ALK: variants seen among roughly 807,000 people sequenced by gnomAD.
ALK encodes ALK tyrosine kinase receptor.
Under a neutral mutation model 163.1 loss-of-function variants are expected in ALK, and 74 were observed. That is an observed-to-expected ratio of 0.45 (90% CI 0.38 to 0.55). ALK has a LOEUF of 0.55. ALK is among the 20% of genes least tolerant of loss of function. The pLI is 0.00. For missense variants in ALK, 2,063 were observed against 2,105.3 expected (o/e 0.98, Z 0.39); for synonymous variants, 960 against 843.2 (o/e 1.14, Z -2.40).
chr2:29,367,117 G>A (rs2148290510), intron 5 of ALK, among the ~76,000 whole-genome samples: 1 of 152,174 alleles, frequency 6.6e-6, no homozygotes, highest in Middle Eastern at 3.4e-3. Flanking sequence ...AATTTATCTG[G>A]ATGCCATGTG....
intron 9 of ALK, among the ~76,000 whole-genome samples, chr2:29,291,948 T>C (rs1666036042): frequency 6.6e-6 from 1 of 152,140 alleles, no homozygotes; most frequent in Admixed American, 6.5e-5. Context: ...GTGATAAAAA[T>C]TGAATAGAAA....
At chr2:29,448,733 A>G (rs954900985) in intron 4 of ALK, among the ~76,000 whole-genome samples, 11 of 152,350 alleles carry the variant, frequency 7.2e-5, no homozygotes, top group Admixed American at 6.5e-4. Context: ...CCAATAAAGC[A>G]GCCATGCAGG....
At chr2:29,376,811 A>G (rs538957581) in intron 5 of ALK, among the ~76,000 whole-genome samples, 212 of 152,358 alleles carry the variant, frequency 1.4e-3, no homozygotes, top group Non-Finnish European at 2.3e-3. Flanking sequence ...TTGGTTCCAC[A>G]TGGCTGGCCA....
chr2:29,366,994 C>T (rs917401386), intron 5 of ALK, among the ~76,000 whole-genome samples: 5 of 152,264 alleles, frequency 3.3e-5, no homozygotes, highest in East Asian at 1.9e-4. Flanking sequence ...TTCTTCCTCC[C>T]GTCATTACTC....
chr2:29,682,096 C>T (rs1305388515), intron 3 of ALK, among the ~76,000 whole-genome samples: 1 of 152,174 alleles, frequency 6.6e-6, no homozygotes, highest in African/African-American at 2.4e-5. Context: ...GTCAGCCAAT[C>T]TTGCTGGTTC....
At chr2:29,628,963 T>C (rs1676280073) in intron 3 of ALK, among the ~76,000 whole-genome samples, 1 of 152,180 alleles carries the variant, frequency 6.6e-6, no homozygotes, top group African/African-American at 2.4e-5. Context: ...CTTTCTAAAG[T>C]AGAGAAGATG....
chr2:29,594,628 CAT>C (rs1675150650), intron 3 of ALK, among the ~76,000 whole-genome samples: 1 of 151,808 alleles, frequency 6.6e-6, no homozygotes, highest in Admixed American at 6.6e-5. Flanking sequence ...GGGGTTTCAC[CAT>C]GTTGGTCAGG....
At chr2:29,545,974 G>A (rs941685870) in intron 3 of ALK, among the ~76,000 whole-genome samples, 3 of 152,150 alleles carry the variant, frequency 2.0e-5, no homozygotes, top group Non-Finnish European at 2.9e-5. Flanking sequence ...TGAGGCAGAA[G>A]TTCCCTAGAA....
intron 1 of ALK, among the ~76,000 whole-genome samples, chr2:29,906,931 T>C (rs1371321085): frequency 6.9e-6 from 1 of 144,832 alleles, no homozygotes; most frequent in Non-Finnish European, 1.5e-5. Context: ...TACATATACA[T>C]TTAAGGTTTT....
At chr2:29,915,104 G>C (rs531323353) in intron 1 of ALK, among the ~76,000 whole-genome samples, 1 of 152,330 alleles carries the variant, frequency 6.6e-6, no homozygotes, top group Non-Finnish European at 1.5e-5. Context: ...TTACAGGTCA[G>C]ACTGGAAAAA....
At chr2:29,415,350 G>A (rs1669843659) in intron 4 of ALK, among the ~76,000 whole-genome samples, 1 of 151,960 alleles carries the variant, frequency 6.6e-6, no homozygotes, top group African/African-American at 2.4e-5. Flanking sequence ...CTAGTAGGCT[G>A]GGTTGGCATT....
Position 29,275,409 on chromosome 2 carries a change from G to T in ALK, c.1905C>A (p.Tyr635Ter). 6.2e-7 allele frequency: 1 copy of T among 1,614,086 alleles called. No homozygotes were observed. The highest frequency in any genetic ancestry group is 8.5e-7 in the Non-Finnish European group (1 of 1,179,978). ...FDNISISLDC[Y>*]LTISGEDKIL... The stretch of plus-strand genomic sequence containing the variant: ...GGGTCAGAGTGAACTCACTGGTGAG[G>T]TAGCAGTCCAGGCTGATGGAGATAT... The change falls in exon 10 of 29, where the codon TAC becomes TAA. Residue 635 changes from tyrosine to a stop codon, truncating the protein, a stop_gained. Coordinates refer to ENST00000389048, the MANE Select transcript of ALK (RefSeq NM_004304.5). LOFTEE classifies it high-confidence loss of function.
intron 1 of ALK, among the ~76,000 whole-genome samples, chr2:29,837,977 A>G (rs1280926450): frequency 6.6e-6 from 1 of 152,192 alleles, no homozygotes; most frequent in Non-Finnish European, 1.5e-5. Flanking sequence ...GAATTTAATA[A>G]AGAAACAAAG....
At chr2:29,376,599 T>C (rs1456517616) in intron 5 of ALK, among the ~76,000 whole-genome samples, 1 of 152,238 alleles carries the variant, frequency 6.6e-6, no homozygotes, top group African/African-American at 2.4e-5. Context: ...TAGCTGAGCC[T>C]GCTACATACA....
intron 2 of ALK, among the ~76,000 whole-genome samples, chr2:29,705,349 C>T (rs553535933): frequency 5.1e-5 from 7 of 137,926 alleles, no homozygotes; most frequent in African/African-American, 1.6e-4. Context: ...CCCTGAGATA[C>T]CATATATTAA....
chr2:29,871,095 C>T (rs985672695), intron 1 of ALK, among the ~76,000 whole-genome samples: 1 of 152,154 alleles, frequency 6.6e-6, no homozygotes, highest in African/African-American at 2.4e-5. Flanking sequence ...GGTCAACACG[C>T]ATGAACCTTG....
At chr2:29,646,216 C>G (rs1676869900) in intron 3 of ALK, among the ~76,000 whole-genome samples, 1 of 152,156 alleles carries the variant, frequency 6.6e-6, no homozygotes, top group African/African-American at 2.4e-5. Flanking sequence ...TTTATCCCCC[C>G]CAGGCCAAAA....
chr2:29,869,470 A>G (rs529702250), intron 1 of ALK, among the ~76,000 whole-genome samples: 80 of 152,344 alleles, frequency 5.3e-4, no homozygotes, highest in African/African-American at 1.9e-3. Context: ...CCAGAAGCAA[A>G]CCTTAATAGA....
intron 1 of ALK, among the ~76,000 whole-genome samples, chr2:29,845,271 C>G (rs1322468003): frequency 6.6e-6 from 1 of 152,176 alleles, no homozygotes; most frequent in Non-Finnish European, 1.5e-5. Flanking sequence ...CTGGCTTCTT[C>G]TTCAACAGTG....
Sources: allele counts gnomAD v4.1 joint callset (sites outside exome capture counted in the v4.1 genomes callset), GRCh38; gene constraint gnomAD v4.1.1; transcripts MANE v1.5; gene names NCBI Gene and HGNC (gene_info 2026-07-23, HGNC 2026-07-21).